SEMA3A: variants seen among roughly 807,000 people sequenced by gnomAD.
SEMA3A encodes the protein semaphorin-3A.
SEMA3A carries 29 observed loss-of-function variants against 97.9 expected under a neutral mutation model. The observed-to-expected ratio is 0.30, with a 90% CI of 0.22 to 0.40. The LOEUF (loss-of-function observed/expected upper bound fraction) is 0.40. Among genes scored for constraint, SEMA3A ranks in the 10% least tolerant of loss-of-function variants. The probability of loss-of-function intolerance (pLI) is 1.00; values close to 1 mark genes in which losing one functional copy is unlikely to be tolerated. For missense variants in SEMA3A, 763 were observed against 951.3 expected (o/e 0.80, Z 2.60); for synonymous variants, 321 against 323.7 (o/e 0.99, Z 0.09).
chr7:84,235,657 A>G (rs1799220264), intron 3 of SEMA3A, among the ~76,000 whole-genome samples: 1 of 152,102 alleles, frequency 6.6e-6, no homozygotes, highest in Non-Finnish European at 1.5e-5. Flanking sequence ...CCAACAAACT[A>G]GAATCTACTT....
chr7:84,365,460 T>C (rs1802824447), intron 2 of SEMA3A, among the ~76,000 whole-genome samples: 2 of 149,478 alleles, frequency 1.3e-5, no homozygotes, highest in Admixed American at 6.8e-5. Context: ...CTCATAGGTA[T>C]TGAATGCAGG....
intron 1 of SEMA3A, among the ~76,000 whole-genome samples, chr7:84,139,308 A>T (rs1419948839): frequency 6.6e-6 from 1 of 152,086 alleles, no homozygotes; most frequent in Non-Finnish European, 1.5e-5. Context: ...CTTTGAATGT[A>T]ATTGTTTTTC....
chr7:84,292,038 T>C (rs1800760209), intron 3 of SEMA3A, among the ~76,000 whole-genome samples: 2 of 152,118 alleles, frequency 1.3e-5, no homozygotes, highest in East Asian at 1.9e-4. Flanking sequence ...GGAGCAGAAA[T>C]TGCTACTTCT....
chr7:84,044,713 C>T (rs1792280849), intron 6 of SEMA3A, among the ~76,000 whole-genome samples: 1 of 151,950 alleles, frequency 6.6e-6, no homozygotes, highest in Non-Finnish European at 1.5e-5. Flanking sequence ...ATTGAGGAAA[C>T]AAGTCCTAAC....
intron 3 of SEMA3A, among the ~76,000 whole-genome samples, chr7:84,222,754 C>T (rs1347737655): frequency 6.6e-6 from 1 of 151,734 alleles, no homozygotes; most frequent in Non-Finnish European, 1.5e-5. Flanking sequence ...TTCATTTACC[C>T]ATTAAATCAT....
At chr7:84,067,421 T>G (rs1220759640) in intron 4 of SEMA3A, among the ~76,000 whole-genome samples, 1 of 151,786 alleles carries the variant, frequency 6.6e-6, no homozygotes, top group Non-Finnish European at 1.5e-5. Context: ...AATTGACAAA[T>G]GGGATCTAAT....
chr7:84,203,036 T>C (rs1028302806), intron 3 of SEMA3A, among the ~76,000 whole-genome samples: 7 of 152,172 alleles, frequency 4.6e-5, no homozygotes, highest in African/African-American at 1.7e-4. Context: ...GTCTACATAT[T>C]TTGTTGGATT....
At chr7:84,464,873 G>A (rs1805950994) in intron 1 of SEMA3A, among the ~76,000 whole-genome samples, 1 of 152,108 alleles carries the variant, frequency 6.6e-6, no homozygotes, top group South Asian at 2.1e-4. Flanking sequence ...TCAGGAGCAT[G>A]TATTCCTATC....
At position 83,961,643 on chromosome 7, in the gene SEMA3A, C is replaced by G. The variant is rs894076128; in HGVS notation, c.2044G>C (p.Asp682His). 1 of 1,613,934 alleles carries G rather than the reference C, an allele frequency of 6.2e-7. No homozygotes were observed. Among genetic ancestry groups the G allele is most frequent in the Non-Finnish European group, 8.5e-7 (1 of 1,179,884 alleles). Residue 682 changes from aspartate to histidine, a missense_variant, in exon 17 of 17, where the codon GAT (aspartate) becomes CAT (histidine). Transcript: ENST00000265362. ...HLEELLHKDD[D>H]GDGSKTKEMS... The stretch of plus-strand genomic sequence containing the variant: ...TCTTTGGTCTTAGAGCCATCTCCAT[C>G]ATCATCTTTATGAAGAAGTTCTTCC...
intron 1 of SEMA3A, among the ~76,000 whole-genome samples, chr7:84,382,457 G>A (rs1310712463): frequency 6.7e-6 from 1 of 149,986 alleles, no homozygotes; most frequent in Non-Finnish European, 1.5e-5. Flanking sequence ...AGTTTTTTAT[G>A]TATGTCTCTG....
At chr7:84,436,068 T>C (rs960841950) in intron 1 of SEMA3A, among the ~76,000 whole-genome samples, 1 of 151,894 alleles carries the variant, frequency 6.6e-6, no homozygotes, top group African/African-American at 2.4e-5. Flanking sequence ...TCAACAAAAA[T>C]AAGCAATGGG....
intron 3 of SEMA3A, among the ~76,000 whole-genome samples, chr7:84,274,697 T>C (rs1800248782): frequency 6.6e-6 from 1 of 151,832 alleles, no homozygotes; most frequent in Non-Finnish European, 1.5e-5. Flanking sequence ...CAAAGATACG[T>C]TTTTTGTGCA....
At chr7:84,026,802 A>G (rs891654668) in intron 6 of SEMA3A, among the ~76,000 whole-genome samples, 4 of 152,092 alleles carry the variant, frequency 2.6e-5, no homozygotes, top group Non-Finnish European at 5.9e-5. Context: ...AATGATAACC[A>G]CTTATGAACA....
chr7:83,969,484 G>A (rs1175258583), intron 15 of SEMA3A, among the ~76,000 whole-genome samples: 3 of 152,108 alleles, frequency 2.0e-5, no homozygotes, highest in East Asian at 1.9e-4. Flanking sequence ...AATGGTAATC[G>A]TAAACGCTTA....
chr7:84,295,678 G>A (rs1257929170), intron 3 of SEMA3A, among the ~76,000 whole-genome samples: 4 of 151,686 alleles, frequency 2.6e-5, no homozygotes, highest in African/African-American at 9.7e-5. Context: ...CAACTAATAA[G>A]TTAACAAATT....
intron 3 of SEMA3A, among the ~76,000 whole-genome samples, chr7:84,205,237 T>C (rs747833579): frequency 1.3e-5 from 2 of 152,198 alleles, no homozygotes; most frequent in Non-Finnish European, 2.9e-5. Flanking sequence ...ATCTCATAGG[T>C]CAATAGCACT....
chr7:84,359,190 T>G (rs1407544584), intron 2 of SEMA3A, among the ~76,000 whole-genome samples: 1 of 152,126 alleles, frequency 6.6e-6, no homozygotes, highest in Non-Finnish European at 1.5e-5. Flanking sequence ...ATAGGAGTGG[T>G]GAGAGAGGGC....
chr7:84,058,124 C>G (rs946852019), intron 5 of SEMA3A, among the ~76,000 whole-genome samples: 4 of 152,174 alleles, frequency 2.6e-5, no homozygotes, highest in Non-Finnish European at 5.9e-5. Context: ...CAAGATCCAT[C>G]TAGCCAGTTT....
At chr7:84,337,440 C>T (rs972195903) in intron 2 of SEMA3A, among the ~76,000 whole-genome samples, 15 of 152,110 alleles carry the variant, frequency 9.9e-5, no homozygotes, top group African/African-American at 3.6e-4. Flanking sequence ...TCAAAGAAGA[C>T]AGGTAGTTCT....
Sources: gnomAD v4.1 joint callset for allele counts (sites outside exome capture counted in the v4.1 genomes callset) on GRCh38, gnomAD v4.1.1 for gene constraint, MANE v1.5 for transcripts, NCBI Gene and HGNC (gene_info 2026-07-23, HGNC 2026-07-21) for gene names.